Variants in RFX6 observed in about 807,000 individuals in gnomAD.
The protein encoded by RFX6 is regulatory factor X6.
A neutral mutation model predicts 110.8 loss-of-function variants in RFX6; 50 were observed. That is an observed-to-expected ratio of 0.45 (90% CI 0.36 to 0.57). RFX6 has a LOEUF of 0.57. Among genes scored for constraint, RFX6 ranks in the 20% least tolerant of loss-of-function variants. The pLI, the probability that RFX6 is intolerant of heterozygous loss-of-function variation, is 0.00. For missense variants in RFX6, 990 were observed against 1,127.0 expected (o/e 0.88, Z 1.74); for synonymous variants, 383 against 411.2 (o/e 0.93, Z 0.83).
chr6:116,898,167 AG>A (rs1774990790), intron 6 of RFX6, among the ~76,000 whole-genome samples: 1 of 152,166 alleles, frequency 6.6e-6, no homozygotes, highest in Non-Finnish European at 1.5e-5. Flanking sequence ...AGGAGTGGAA[AG>A]GATCCATGGA....
At chr6:116,882,569 GAA>G (rs34335008) in intron 4 of RFX6, 141 bp downstream of exon 4, 6,333 of 449,028 alleles carry the variant, frequency 0.014, no homozygotes, top group East Asian at 0.027. Context: ...TGTGAGAACT[GAA>G]AAAAAAAAAA....
intron 4 of RFX6, chr6:116,885,015 T>C (rs1774670084): frequency 6.6e-6 from 1 of 152,226 alleles, no homozygotes; most frequent in South Asian, 2.1e-4. Flanking sequence ...TTGTAAATAG[T>C]AATTTTTTTG....
At position 116,931,400 on chromosome 6, in the gene RFX6, C is replaced by T. The variant is rs1775881473; in HGVS notation, c.2681C>T (p.Pro894Leu). 6.2e-7 allele frequency: 1 copy of T among 1,612,990 alleles called. No homozygotes were observed. The highest frequency in any genetic ancestry group is 8.5e-7 in the Non-Finnish European group (1 of 1,179,058). ...ATGTATGGAACTTCCAACCAGTATC[C>T]AGCTCAAGAAACCCTGGACTCCCAT... ...QCMYGTSNQYPAQETLDSHGT... is the reference protein window; with the variant it reads ...QCMYGTSNQYLAQETLDSHGT... The change falls in exon 19 of 19, where the codon CCA becomes CTA. Residue 894 changes from proline (P) to leucine (L), a missense_variant. Coordinates refer to ENST00000332958, the MANE Select transcript of RFX6 (RefSeq NM_173560.4).
intron 4 of RFX6, among the ~76,000 whole-genome samples, chr6:116,892,514 C>A (rs1307643674): frequency 6.6e-6 from 1 of 152,164 alleles, no homozygotes; most frequent in Non-Finnish European, 1.5e-5. Context: ...TAACCCTAGA[C>A]TGAGGTGTGG....
At chr6:116,890,078 G>T (rs932869306) in intron 4 of RFX6, among the ~76,000 whole-genome samples, 1 of 151,984 alleles carries the variant, frequency 6.6e-6, no homozygotes, top group African/African-American at 2.4e-5. Context: ...TATTTGAACT[G>T]TATTTCACTA....
chr6:116,928,948 T>C lies in RFX6; in HGVS notation c.2588T>C (p.Val863Ala), dbSNP rs1433745654. 1 of 1,611,268 alleles carries C rather than the reference T, an allele frequency of 6.2e-7. No homozygotes were observed. Among genetic ancestry groups the C allele is most frequent in the Non-Finnish European group, 8.5e-7 (1 of 1,177,374 alleles). The change falls in exon 18 of 19, where the codon GTT becomes GCT. Residue 863 changes from valine (V) to alanine (A), a missense_variant. Physicochemically the swap from Val to Ala is moderately conservative, Grantham distance 64 (BLOSUM62 0). Around this residue, in one of 5 missense-constraint regions of RFX6, gnomAD observed 438 missense variants for 441.9 expected, o/e 0.99. Transcript: ENST00000332958. ...TTTTACACAGACACATCATCTCCAG[T>C]TGCATGTCGAACTCCAGTCCTAGGT... is the stretch of plus-strand genomic sequence containing the variant. Reference protein sequence around the residue: ...SSFYTDTSSPVACRTPVLASS... With the variant: ...SSFYTDTSSPAACRTPVLASS...
chr6:116,926,965 A>T, intron 16 of RFX6, 62 bp from the exon 17 acceptor site: 1 of 1,382,446 alleles, frequency 7.2e-7, no homozygotes, highest in Non-Finnish European at 1.0e-6. Context: ...AATATTTTTT[A>T]AAGATGTGAG....
chr6:116,891,743 A>G (rs1774834822), intron 4 of RFX6, among the ~76,000 whole-genome samples: 1 of 152,160 alleles, frequency 6.6e-6, no homozygotes, highest in Admixed American at 6.5e-5. Flanking sequence ...AGTTTTAAAT[A>G]TTTCTCTTAC....
chr6:116,889,170 G>A (rs1025525992), intron 4 of RFX6, among the ~76,000 whole-genome samples: 5 of 152,024 alleles, frequency 3.3e-5, no homozygotes, highest in South Asian at 2.1e-4. Flanking sequence ...TATTGTTTAC[G>A]TATGCAACTT....
At chr6:116,917,974 AAT>A in intron 9 of RFX6, 61 bp from the exon 10 acceptor site, 5 of 1,164,062 alleles carry the variant, frequency 4.3e-6, no homozygotes, top group Non-Finnish European at 6.4e-6. Context: ...GTTGACCAAT[AAT>A]ATGTCTTTCT....
intron 6 of RFX6, among the ~76,000 whole-genome samples, chr6:116,897,236 A>G (rs1330449508): frequency 1.3e-5 from 2 of 152,168 alleles, no homozygotes; most frequent in African/African-American, 2.4e-5. Flanking sequence ...CTCAGCCTCC[A>G]TACTATGGAA....
intron 6 of RFX6, among the ~76,000 whole-genome samples, chr6:116,896,274 C>T (rs1774942637): frequency 6.6e-6 from 1 of 152,158 alleles, no homozygotes; most frequent in Admixed American, 6.5e-5. Context: ...CTCAAGTCTA[C>T]TTTTTCCTCC....
chr6:116,907,689 T>G (rs185034244), intron 6 of RFX6, among the ~76,000 whole-genome samples: 1 of 152,232 alleles, frequency 6.6e-6, no homozygotes, highest in African/African-American at 2.4e-5. Flanking sequence ...TTGAAAATAA[T>G]GTGTATTCTG....
At chr6:116,884,972 G>C (rs996680709) in intron 4 of RFX6, 1 of 149,724 alleles carries the variant, frequency 6.7e-6, no homozygotes, top group African/African-American at 2.5e-5. Context: ...AACTACATAT[G>C]GTAAAAATAT....
At chr6:116,910,288 G>A (rs996274076) in intron 6 of RFX6, among the ~76,000 whole-genome samples, 7 of 152,130 alleles carry the variant, frequency 4.6e-5, no homozygotes, top group African/African-American at 1.7e-4. Flanking sequence ...TTTCCTGTAA[G>A]TATACCAGCA....
At chr6:116,909,191 T>G (rs944718181) in intron 6 of RFX6, among the ~76,000 whole-genome samples, 6 of 152,108 alleles carry the variant, frequency 3.9e-5, no homozygotes, top group African/African-American at 1.2e-4. Flanking sequence ...AATATCATAC[T>G]GTGTATTATC....
Position 116,932,146 on chromosome 6 carries a change from A to G in RFX6, c.*640A>G, listed in dbSNP as rs1775900521. ...TAAAAAAGATTAAAAGGAATAAAAG[A>G]AATAATGTATGGAAATATTTTTAAA... On this transcript the variant is annotated 3_prime_UTR_variant, in exon 19 of 19. Coordinates refer to ENST00000332958, the MANE Select transcript of RFX6 (RefSeq NM_173560.4). 1 of 152,788 alleles carries G rather than the reference A, an allele frequency of 6.5e-6. No individual in the cohort carries two copies. The highest frequency in any genetic ancestry group is 1.9e-4 in the East Asian group (1 of 5,188). 9.5% of individuals were successfully genotyped at this position (152,788 alleles called of 1,614,324 possible). A position where few individuals can be genotyped will look rare whatever the true frequency, so the allele number is the denominator to read the frequency against.
intron 4 of RFX6, among the ~76,000 whole-genome samples, chr6:116,883,613 C>G (rs1047452617): frequency 6.6e-6 from 1 of 152,068 alleles, no homozygotes; most frequent in Non-Finnish European, 1.5e-5. Flanking sequence ...TCTTTTCATA[C>G]TACGTTTTTG....
chr6:116,880,589 G>A lies in RFX6; in HGVS notation c.426G>A (p.Arg142=), dbSNP rs1227809326. The change falls in exon 3 of 19, where the codon CGG becomes CGA. Residue 142 remains arginine (R), a synonymous_variant. Transcript: ENST00000332958. The part of the protein sequence containing the change: ...YIVCEGVCLP[R]CILYAHYLDF... ...TATGTGAAGGAGTTTGCTTACCACG[G>A]TGCATTCTTTATGCACACTACTTAG... The A allele has an allele frequency of 6.2e-7, 1 of 1,613,204 alleles. No individual in the cohort carries two copies. The highest frequency in any genetic ancestry group is 8.5e-7 in the Non-Finnish European group (1 of 1,179,338).
Sources: allele counts gnomAD v4.1 joint callset (sites outside exome capture counted in the v4.1 genomes callset), GRCh38; gene constraint gnomAD v4.1.1; regional missense constraint gnomAD v4.1.1; transcripts MANE v1.5; gene names NCBI Gene and HGNC (gene_info 2026-07-23, HGNC 2026-07-21).